LARGE1: variants seen among roughly 807,000 people sequenced by gnomAD.
LARGE1 encodes LARGE xylosyl- and glucuronyltransferase 1.
In LARGE1, 43 loss-of-function variants were observed where a neutral mutation model predicts 87.6. The ratio of observed to expected loss-of-function variants is 0.49; its 90% CI spans 0.38 to 0.63. LARGE1 has a LOEUF of 0.63. LARGE1 is among the 30% of genes least tolerant of loss of function. The pLI is 0.00. For synonymous variants in LARGE1, 434 were observed against 394.6 expected (o/e 1.10, Z -1.18); for missense variants, 802 against 1,000.2 (o/e 0.80, Z 2.67).
intron 1 of LARGE1, among the ~76,000 whole-genome samples, chr22:33,882,052 T>TGTTG (rs1569010046): frequency 6.3e-4 from 95 of 150,834 alleles, no homozygotes; most frequent in African/African-American, 2.1e-3. Flanking sequence ...TTTGTTTTTT[T>TGTTG]TTTTTTTTGA....
chr22:33,716,972 T>C (rs2149424388), intron 2 of LARGE1, among the ~76,000 whole-genome samples: 1 of 152,374 alleles, frequency 6.6e-6, no homozygotes, highest in African/African-American at 2.4e-5. Context: ...AATGAGTTCT[T>C]ACTTGTTTAA....
the LARGE1 span, among the ~76,000 whole-genome samples, chr22:33,073,898 A>C: frequency 6.6e-6 from 1 of 152,168 alleles, no homozygotes; most frequent in Non-Finnish European, 1.5e-5. Context: ...CAGCGACTGT[A>C]AGTAATACCA....
chr22:33,366,564 A>G (rs551384885), intron 9 of LARGE1, among the ~76,000 whole-genome samples: 13 of 152,208 alleles, frequency 8.5e-5, no homozygotes, highest in Non-Finnish European at 1.6e-4. Context: ...TCTATTTTAT[A>G]CATGGCTAGA....
chr22:33,729,437 C>T (rs1424599959), intron 2 of LARGE1, among the ~76,000 whole-genome samples: 1 of 152,236 alleles, frequency 6.6e-6, no homozygotes, highest in Non-Finnish European at 1.5e-5. Context: ...TAAACTATCA[C>T]TAATGCATTC....
intron 7 of LARGE1, among the ~76,000 whole-genome samples, chr22:33,428,159 T>C (rs1156835264): frequency 6.6e-6 from 1 of 152,138 alleles, no homozygotes; most frequent in Non-Finnish European, 1.5e-5. Context: ...CTTTTTCCAG[T>C]CGGTAAATCT....
At chr22:33,796,463 G>A (rs190928241) in intron 1 of LARGE1, among the ~76,000 whole-genome samples, 11 of 152,168 alleles carry the variant, frequency 7.2e-5, no homozygotes, top group Non-Finnish European at 1.5e-4. Context: ...TTGAGCCCCC[G>A]CTAGACTCAA....
chr22:33,224,845 G>T (rs1925652849), intron 11 of LARGE1, among the ~76,000 whole-genome samples: 1 of 152,234 alleles, frequency 6.6e-6, no homozygotes, highest in South Asian at 2.1e-4. Context: ...AGAAGACAGA[G>T]CCAGGCCTGT....
chr22:33,154,641 C>T, the LARGE1 span, among the ~76,000 whole-genome samples: 16 of 152,286 alleles, frequency 1.1e-4, no homozygotes, highest in South Asian at 2.5e-3. Context: ...TTCCTCATCA[C>T]TCTTTCTTCC....
chr22:33,833,049 G>A (rs769189452), intron 1 of LARGE1, among the ~76,000 whole-genome samples: 4 of 152,138 alleles, frequency 2.6e-5, no homozygotes, highest in Non-Finnish European at 5.9e-5. Context: ...GGATGCCCCA[G>A]TGCAGGGGTG....
chr22:33,556,010 T>G (rs1323722384), intron 6 of LARGE1, among the ~76,000 whole-genome samples: 1 of 151,984 alleles, frequency 6.6e-6, no homozygotes, highest in Non-Finnish European at 1.5e-5. Flanking sequence ...TCTCTGGATC[T>G]CAGGGCTTCA....
intron 5 of LARGE1, among the ~76,000 whole-genome samples, 176 bp from the exon 6 acceptor site, chr22:33,565,195 GA>G (rs1358923536): frequency 6.6e-6 from 1 of 152,216 alleles, no homozygotes; most frequent in Non-Finnish European, 1.5e-5. Context: ...TTTGACATGT[GA>G]AGTTTTCTGG....
intron 1 of LARGE1, among the ~76,000 whole-genome samples, chr22:33,874,466 G>GA (rs935688171): frequency 2.6e-5 from 4 of 152,198 alleles, no homozygotes; most frequent in Admixed American, 1.3e-4. Context: ...CGTGGCAGCT[G>GA]AAACGGAGCA....
At chr22:33,647,528 C>G (rs541387221) in intron 3 of LARGE1, among the ~76,000 whole-genome samples, 73 of 152,286 alleles carry the variant, frequency 4.8e-4, no homozygotes, top group African/African-American at 1.7e-3. Context: ...GTCAATCAAG[C>G]AGGCTGGGGT....
chr22:33,485,377 C>A (rs2069530070), intron 6 of LARGE1, among the ~76,000 whole-genome samples: 1 of 151,998 alleles, frequency 6.6e-6, no homozygotes. Flanking sequence ...CCACACCCAG[C>A]TAATTTTTGT....
At chr22:33,905,423 CAT>C (rs1195823056) in intron 1 of LARGE1, among the ~76,000 whole-genome samples, 1 of 152,010 alleles carries the variant, frequency 6.6e-6, no homozygotes, top group Non-Finnish European at 1.5e-5. Context: ...TTTAGGCTGA[CAT>C]AAAGTTTTCA....
intron 6 of LARGE1, among the ~76,000 whole-genome samples, chr22:33,532,965 G>A (rs962591707): frequency 1.8e-4 from 28 of 152,206 alleles, no homozygotes; most frequent in Admixed American, 5.2e-4. Context: ...AAAGTGGTGC[G>A]TGTTGAATCC....
chr22:33,695,329 C>A (rs756222206), intron 2 of LARGE1, among the ~76,000 whole-genome samples: 13 of 152,110 alleles, frequency 8.5e-5, no homozygotes, highest in Non-Finnish European at 1.5e-4. Flanking sequence ...GTCTCAAATT[C>A]CTGACCTCAA....
chr22:33,905,062 CTTTTTTTT>C lies in LARGE1; in HGVS notation c.-83+14925_-83+14932del, dbSNP rs71187290. Among the ~76,000 whole-genome samples, 112 of 118,858 alleles carry C rather than the reference CTTTTTTTT, an allele frequency of 9.4e-4. 1 individual carries two copies. The highest frequency in any genetic ancestry group is 3.5e-3 in the African/African-American group (107 of 30,820). The allele number at this position is 118,858 out of a possible 152,430, so 78.0% of individuals were successfully genotyped here. ...TATTTAAGTTTTTTTTTTTTAATTC[CTTTTTTTT>C]TTTTTTTTTTTTTGAGACAGCATCT... On this transcript the variant is annotated intron_variant, in intron 1 of 14. Transcript: ENST00000397394.
the LARGE1 span, among the ~76,000 whole-genome samples, chr22:33,078,791 G>A: frequency 6.6e-6 from 1 of 152,210 alleles, no homozygotes; most frequent in Admixed American, 6.5e-5. Context: ...GAAATTTGTT[G>A]TAATAAAGGC....
Sources: allele counts gnomAD v4.1 joint callset (sites outside exome capture counted in the v4.1 genomes callset), GRCh38; gene constraint gnomAD v4.1.1; transcripts MANE v1.5; gene names NCBI Gene and HGNC (gene_info 2026-07-23, HGNC 2026-07-21).